The following SYNJ1 variants were observed in gnomAD, a reference collection of about 807,000 sequenced individuals.
SYNJ1 encodes the protein polyphosphatidylinositol phosphatase SYNJ1.
Under a neutral mutation model 168.2 loss-of-function variants are expected in SYNJ1, and 78 were observed. The observed-to-expected ratio is 0.46, with a 90% CI of 0.39 to 0.56. The LOEUF (loss-of-function observed/expected upper bound fraction) is 0.56. Ranked by LOEUF, SYNJ1 falls within the 20% of genes least tolerant of loss-of-function variation. The pLI, the probability that SYNJ1 is intolerant of heterozygous loss-of-function variation, is 0.00. For synonymous variants in SYNJ1, 539 were observed against 548.6 expected, an observed-to-expected ratio of 0.98 and a Z score of 0.24; for missense variants, 1,303 against 1,597.6, an observed-to-expected ratio of 0.82 and a Z score of 3.14.
At chr21:32,701,068 G>A (rs778155497) in intron 3 of SYNJ1, among the ~76,000 whole-genome samples, 2 of 152,186 alleles carry the variant, frequency 1.3e-5, no homozygotes, top group Admixed American at 6.5e-5. Flanking sequence ...ATTTCAGTAT[G>A]TAGCATAACG....
intron 11 of SYNJ1, among the ~76,000 whole-genome samples, chr21:32,679,042 C>T (rs2041522840): frequency 6.6e-6 from 1 of 152,140 alleles, no homozygotes; most frequent in Admixed American, 6.5e-5. Context: ...GCTACAACCT[C>T]ATCCAGTAAT....
chr21:32,661,070 C>T (rs1005147164), intron 18 of SYNJ1, among the ~76,000 whole-genome samples: 11 of 152,172 alleles, frequency 7.2e-5, no homozygotes, highest in Non-Finnish European at 1.6e-4. Flanking sequence ...TTTTTCCACA[C>T]AGAAGTGGGG....
intron 31 of SYNJ1, 77 bp from the exon 32 acceptor site, chr21:32,634,961 A>G: frequency 1.4e-6 from 2 of 1,475,904 alleles, no homozygotes; most frequent in Non-Finnish European, 1.9e-6. Context: ...CTAACAATTC[A>G]GTCAACAAAA....
chr21:32,639,668 T>TACC lies in SYNJ1; in HGVS notation c.3697_3697+2dup. 4 of 1,613,432 alleles carry TACC rather than the reference T, an allele frequency of 2.5e-6. No homozygotes were observed. The highest frequency in any genetic ancestry group is 3.4e-6 in the Non-Finnish European group (4 of 1,179,720). ...CTGCCTCAGCCTCCCAAAGAGGACC[T>TACC]ACCTTTCGACGTTTCTGATGTTTTG... On this transcript the variant is annotated splice_region_variant and intron_variant, in intron 30 of 32. Transcript: ENST00000674351.
chr21:32,705,945 C>T (rs181320475), intron 2 of SYNJ1, among the ~76,000 whole-genome samples: 5 of 152,210 alleles, frequency 3.3e-5, no homozygotes, highest in Non-Finnish European at 7.4e-5. Context: ...TGAGATCATG[C>T]CACTGTACTC....
intron 17 of SYNJ1, 65 bp from the exon 18 acceptor site, chr21:32,665,136 T>C (rs1271199726): frequency 1.4e-6 from 2 of 1,476,682 alleles, no homozygotes; most frequent in Non-Finnish European, 1.8e-6. Flanking sequence ...TTTACAACTA[T>C]TTCTTTGCCT....
At position 32,639,037 on chromosome 21, in the gene SYNJ1, C is replaced by T. The variant is rs750931400; in HGVS notation, c.3786G>A (p.Glu1262=). ...SLPPPAQRLQ[E]PLVPVAAPMP... ...TAGGTGCTGCCACAGGGACAAGAGG[C>T]TCTTGCAACCTTTGAGCAGGCGGGG... Residue 1262 remains glutamate, a synonymous_variant, in exon 31 of 33, where the codon GAG becomes GAA. Coordinates refer to ENST00000674351, the MANE Select transcript of SYNJ1 (RefSeq NM_203446.3). 7 of 1,613,904 alleles carry T rather than the reference C, an allele frequency of 4.3e-6. No homozygotes were observed. Among genetic ancestry groups the T allele is most frequent in the Middle Eastern group, 1.6e-4 (1 of 6,084 alleles).
chr21:32,645,576 A>T, intron 25 of SYNJ1, 70 bp downstream of exon 25: 1 of 1,435,374 alleles, frequency 7.0e-7, no homozygotes, highest in Non-Finnish European at 9.1e-7. Context: ...AGATTGGAAA[A>T]CATGCAAAAC....
chr21:32,644,726 A>G (rs1426454920), intron 26 of SYNJ1, among the ~76,000 whole-genome samples: 1 of 152,214 alleles, frequency 6.6e-6, no homozygotes, highest in Admixed American at 6.5e-5. Context: ...TAAAATTAAT[A>G]TAACTTTTGG....
At chr21:32,642,751 T>C (rs543948186) in intron 27 of SYNJ1, among the ~76,000 whole-genome samples, 40 of 152,308 alleles carry the variant, frequency 2.6e-4, no homozygotes, top group African/African-American at 7.7e-4. Flanking sequence ...ATTAGAAAGG[T>C]AGCTGAAGGA....
At chr21:32,651,178 A>G (rs767656144) in intron 22 of SYNJ1, among the ~76,000 whole-genome samples, 7 of 152,228 alleles carry the variant, frequency 4.6e-5, no homozygotes, top group Admixed American at 6.5e-5. Flanking sequence ...TTGCTTTCTA[A>G]ATTTAATCTC....
At chr21:32,666,372 G>C in intron 16 of SYNJ1, 61 bp downstream of exon 16, 1 of 1,556,564 alleles carries the variant, frequency 6.4e-7, no homozygotes, top group Non-Finnish European at 8.7e-7. Context: ...AAACATTCTA[G>C]GCTTTTTTCT....
intron 18 of SYNJ1, among the ~76,000 whole-genome samples, chr21:32,658,861 G>C (rs980411681): frequency 2.6e-5 from 4 of 152,188 alleles, no homozygotes; most frequent in African/African-American, 9.7e-5. Context: ...GAAATATCCT[G>C]CTTCAATACC....
At chr21:32,672,268 ATTAAAG>A (rs1218429030) in intron 14 of SYNJ1, among the ~76,000 whole-genome samples, 3 of 151,902 alleles carry the variant, frequency 2.0e-5, no homozygotes, top group Non-Finnish European at 4.4e-5. Context: ...TTAAAAAGGA[ATTAAAG>A]TTAATTTTTA....
intron 16 of SYNJ1, 23 bp from the exon 17 acceptor site, chr21:32,666,158 T>C (rs1264533050): frequency 6.4e-7 from 1 of 1,573,048 alleles, no homozygotes; most frequent in East Asian, 2.3e-5. Flanking sequence ...GAATTCTAAA[T>C]CGCAGATTTG....
At chr21:32,667,525 A>C (rs944618491) in intron 15 of SYNJ1, among the ~76,000 whole-genome samples, 35 of 152,178 alleles carry the variant, frequency 2.3e-4, no homozygotes, top group African/African-American at 7.7e-4. Flanking sequence ...TTCTTTAAAA[A>C]GGGTCCAAAC....
At chr21:32,668,667 GA>G in intron 15 of SYNJ1, among the ~76,000 whole-genome samples, 1 of 152,202 alleles carries the variant, frequency 6.6e-6, no homozygotes, top group East Asian at 1.9e-4. Context: ...TAAAAGATGG[GA>G]AACTGCTGAA....
rs2039225114 is a variant in SYNJ1 at position 32,629,042 on chromosome 21, C to T, written c.*2763G>A. ...ATAATGGCTAGTTATTTGCAGCATACCTTTAACTTTCATAACTTTGTGCAT... is the reference window on the plus strand; with the variant it reads ...ATAATGGCTAGTTATTTGCAGCATATCTTTAACTTTCATAACTTTGTGCAT... On this transcript the variant is annotated 3_prime_UTR_variant, in exon 33 of 33. Transcript: ENST00000674351. 1 of 152,562 alleles carries T rather than the reference C, an allele frequency of 6.6e-6. No homozygotes were observed. The highest frequency in any genetic ancestry group is 1.5e-5 in the Non-Finnish European group (1 of 68,016). The allele number at this position is 152,562 out of a possible 1,614,324, so 9.5% of individuals were successfully genotyped here. A position where few individuals can be genotyped will look rare whatever the true frequency, so the allele number is the denominator to read the frequency against.
chr21:32,667,605 T>C (rs934750385), intron 15 of SYNJ1, among the ~76,000 whole-genome samples: 2 of 152,146 alleles, frequency 1.3e-5, no homozygotes, highest in African/African-American at 4.8e-5. Context: ...GGGGTCTCAC[T>C]CTGTCACCCA....
Sources: gnomAD v4.1 joint callset for allele counts (sites outside exome capture counted in the v4.1 genomes callset) on GRCh38, gnomAD v4.1.1 for gene constraint, MANE v1.5 for transcripts, NCBI Gene and HGNC (gene_info 2026-07-23, HGNC 2026-07-21) for gene names.